PSMD8: variants seen among roughly 807,000 people sequenced by gnomAD.
The protein encoded by PSMD8 is proteasome 26S subunit, non-ATPase 8.
PSMD8 carries 30 observed loss-of-function variants against 40.0 expected under a neutral mutation model. The ratio of observed to expected loss-of-function variants is 0.75; its 90% confidence interval spans 0.56 to 1.02. PSMD8 has a LOEUF of 1.02. Ranked by LOEUF, PSMD8 falls within the 50% of genes least tolerant of loss-of-function variation. The pLI is 0.00. For missense variants in PSMD8, 461 were observed against 463.9 expected (o/e 0.99, Z 0.06); for synonymous variants, 208 against 192.5 (o/e 1.08, Z -0.67).
At chr19:38,380,776 AG>A (rs1970634176) in intron 4 of PSMD8, 122 bp from the exon 5 acceptor site, 4 of 665,528 alleles carry the variant, frequency 6.0e-6, no homozygotes, top group Non-Finnish European at 9.9e-6. Flanking sequence ...TACCCAGGGC[AG>A]GGGTGTGGCT....
intron 1 of PSMD8, 83 bp from the exon 2 acceptor site, chr19:38,376,077 G>A (rs1970595041): frequency 7.4e-7 from 1 of 1,347,062 alleles, no homozygotes; most frequent in Admixed American, 2.0e-5. Flanking sequence ...TTTCCAAGTG[G>A]GAAGACCAGA....
intron 3 of PSMD8, among the ~76,000 whole-genome samples, chr19:38,378,400 C>A (rs1253410729): frequency 6.7e-6 from 1 of 149,694 alleles, no homozygotes; most frequent in African/African-American, 2.5e-5. Flanking sequence ...CCCAGCTACT[C>A]GGGAGGCTGA....
intron 3 of PSMD8, among the ~76,000 whole-genome samples, chr19:38,377,058 G>A (rs926026974): frequency 7.2e-5 from 11 of 152,246 alleles, no homozygotes; most frequent in African/African-American, 2.7e-4. Flanking sequence ...TACCTGCACA[G>A]ATTAATGATT....
Position 38,376,395 on chromosome 19 carries a change from G to C in PSMD8, c.477G>C (p.Lys159Asn), listed in dbSNP as rs371805034. The C allele has an allele frequency of 5.2e-6, 8 of 1,552,570 alleles. No individual in the cohort carries two copies. The African/African-American group carries it at 1.1e-4, about 21-fold the overall frequency. Residue 159 changes from lysine (K) to asparagine (N), a missense_variant, in exon 3 of 7, where the codon AAG (lysine) becomes AAC (asparagine). Coordinates refer to ENST00000215071, the MANE Select transcript of PSMD8 (RefSeq NM_002812.5). ...GGGCCCAATGGAGCATCCTACGCAAGGACATCCCCTCCTTCGAGCGCTACA... is the reference window on the plus strand; with the variant it reads ...GGGCCCAATGGAGCATCCTACGCAACGACATCCCCTCCTTCGAGCGCTACA... ...EIGAQWSILR[K>N]DIPSFERYMA...
At position 38,374,716 on chromosome 19, in the gene PSMD8, C is replaced by A; in HGVS notation, c.115C>A (p.Pro39Thr). Residue 39 changes from proline to threonine, a missense_variant, in exon 1 of 7, where the codon CCC becomes ACC. Pro to Thr is a conservative substitution (Grantham distance 38). Coordinates refer to ENST00000215071, the MANE Select transcript of PSMD8 (RefSeq NM_002812.5). ...PPRALGSTSR[P>T]HFRRASVCRR... ...CCGGGCCTTGGGCTCCACCTCTCGG[C>A]CCCACTTCCGCCGGGCAAGCGTTTG... 1.9e-6 allele frequency: 3 copies of A among 1,546,436 alleles called. No individual in the cohort carries two copies. The highest frequency in any genetic ancestry group is 2.6e-6 in the Non-Finnish European group (3 of 1,148,820).
At chr19:38,381,334 C>G in intron 5 of PSMD8, 1 of 205,110 alleles carries the variant, frequency 4.9e-6, no homozygotes, top group Non-Finnish European at 9.8e-6. Context: ...GACTTCACCT[C>G]CGGCCACCAA....
chr19:38,374,802 G>A lies in PSMD8; in HGVS notation c.201G>A (p.Ala67=), dbSNP rs1477337411. Residue 67 remains alanine, a synonymous_variant, in exon 1 of 7, where the codon GCG becomes GCA. Transcript: ENST00000215071. ...LLAASRKMAA[A]AVNGAAGFSS... is the part of the protein sequence containing the mutation. The stretch of plus-strand genomic sequence containing the variant: ...CCGCATCACGCAAGATGGCGGCCGC[G>A]GCGGTGAACGGGGCGGCAGGCTTCT... 1.7e-5 allele frequency: 26 copies of A among 1,572,440 alleles called. No individual in the cohort carries two copies. Among genetic ancestry groups the A allele is most frequent in the African/African-American group, 2.7e-5 (2 of 74,230 alleles).
chr19:38,382,026 A>G (rs767971489), intron 5 of PSMD8, 91 bp from the exon 6 acceptor site: 4 of 854,388 alleles, frequency 4.7e-6, no homozygotes, highest in Non-Finnish European at 7.6e-6. Context: ...GCTGAACTCC[A>G]GGGTCAGAGC....
intron 1 of PSMD8, chr19:38,375,307 G>C: frequency 3.5e-6 from 1 of 283,554 alleles, no homozygotes; most frequent in South Asian, 3.4e-5. Flanking sequence ...GAGATGACTG[G>C]AATGGACCCA....
At chr19:38,379,553 C>T in intron 4 of PSMD8, 148 bp downstream of exon 4, 1 of 874,698 alleles carries the variant, frequency 1.1e-6, no homozygotes, top group South Asian at 1.7e-5. Flanking sequence ...ATACTGAGTC[C>T]CAGCTGTGTG....
intron 3 of PSMD8, 40 bp from the exon 4 acceptor site, chr19:38,379,200 T>C (rs1441401873): frequency 6.2e-7 from 1 of 1,602,570 alleles, no homozygotes; most frequent in East Asian, 2.2e-5. Context: ...GCTAGGCCCT[T>C]AAATCCTCCT....
Position 38,376,251 on chromosome 19 carries a change from G to C in PSMD8, c.433+19G>C. 1 of 1,581,992 alleles carries C rather than the reference G, an allele frequency of 6.3e-7. No individual in the cohort carries two copies. Among genetic ancestry groups the C allele is most frequent in the Non-Finnish European group, 8.6e-7 (1 of 1,161,328 alleles). On this transcript the variant is annotated intron_variant, in intron 2 of 6. Coordinates refer to ENST00000215071, the MANE Select transcript of PSMD8 (RefSeq NM_002812.5). Reference sequence around the variant, plus strand: ...CTGGCCCGTGAGTGTCACTGGGGTTGGTTGGGGGTGATAATCTGGGGGTCA... The same window carrying C: ...CTGGCCCGTGAGTGTCACTGGGGTTCGTTGGGGGTGATAATCTGGGGGTCA...
intron 6 of PSMD8, chr19:38,382,451 C>T (rs1037683212): frequency 7.5e-5 from 44 of 588,486 alleles, no homozygotes; most frequent in Non-Finnish European, 1.1e-4. Flanking sequence ...TGGAGGTGGG[C>T]GCTGCACGCA....
rs575206673 is a variant in PSMD8 at position 38,378,810 on chromosome 19, G to A, written c.537-430G>A. 5.3e-5 allele frequency among the ~76,000 whole-genome samples: 8 copies of A among 151,934 alleles called. No homozygotes were observed. In the East Asian group the frequency reaches 1.4e-3, roughly 26 times the overall value. On this transcript the variant is annotated intron_variant, in intron 3 of 6. Coordinates refer to ENST00000215071, the MANE Select transcript of PSMD8 (RefSeq NM_002812.5). The stretch of plus-strand genomic sequence containing the variant: ...CTACTAAAAGTACAAAAAATTAGCC[G>A]GGCATGGTGGCATGTGCCTGTAGTC...
At chr19:38,379,010 G>A (rs2145127776) in intron 3 of PSMD8, among the ~76,000 whole-genome samples, 1 of 152,272 alleles carries the variant, frequency 6.6e-6, no homozygotes, top group Middle Eastern at 3.4e-3. Context: ...GGAAACCGAG[G>A]TTGTCATTTC....
Position 38,380,888 on chromosome 19 carries a change from G to A in PSMD8, c.703-11G>A, listed in dbSNP as rs1970635094. The A allele has an allele frequency of 3.9e-6, 6 of 1,554,366 alleles. No homozygotes were observed. The highest frequency in any genetic ancestry group is 5.2e-6 in the Non-Finnish European group (6 of 1,147,806). ...TCATTCTCTCTTCTTCCCCCTTCCCGGCTTCTGCAGTACCTGATGGAGGGC... is the reference window on the plus strand; with the variant it reads ...TCATTCTCTCTTCTTCCCCCTTCCCAGCTTCTGCAGTACCTGATGGAGGGC... On this transcript the variant is annotated splice_polypyrimidine_tract_variant and intron_variant, in intron 4 of 6. Transcript: ENST00000215071.
chr19:38,379,461 T>C (rs1160341617), intron 4 of PSMD8, 56 bp downstream of exon 4: 1 of 1,578,142 alleles, frequency 6.3e-7, no homozygotes, highest in African/African-American at 1.4e-5. Context: ...GCAGGGGTGG[T>C]CTTAGGAGGG....
intron 5 of PSMD8, chr19:38,381,202 T>A: frequency 1.9e-6 from 1 of 521,290 alleles, no homozygotes. Context: ...TCACCACCCT[T>A]GGCTGTTGAC....
chr19:38,380,845 C>T, intron 4 of PSMD8, 54 bp from the exon 5 acceptor site: 1 of 1,393,162 alleles, frequency 7.2e-7, no homozygotes, highest in African/African-American at 1.4e-5. Flanking sequence ...ACAGGTAGGC[C>T]CCTTTGCAGC....
Sources: gnomAD v4.1 joint callset for allele counts (sites outside exome capture counted in the v4.1 genomes callset) on GRCh38, gnomAD v4.1.1 for gene constraint, MANE v1.5 for transcripts, NCBI Gene and HGNC (gene_info 2026-07-23, HGNC 2026-07-21) for gene names.